ADGRV1: variants seen among roughly 807,000 people sequenced by gnomAD.
ADGRV1 encodes the protein G-protein coupled receptor 98.
In ADGRV1, 359 loss-of-function variants were observed where a neutral mutation model predicts 596.2. The observed-to-expected ratio is 0.60, with a 90% CI of 0.55 to 0.66. The LOEUF is 0.66. ADGRV1 is among the 30% of genes least tolerant of loss of function. ADGRV1 has a pLI of 0.00. For synonymous variants in ADGRV1, 2,681 were observed against 2,679.2 expected, an observed-to-expected ratio of 1.00 and a Z score of -0.02; for missense variants, 7,274 against 7,575.6, an observed-to-expected ratio of 0.96 and a Z score of 1.48.
At chr5:90,970,214 C>G (rs1778837902) in intron 84 of ADGRV1, among the ~76,000 whole-genome samples, 1 of 152,168 alleles carries the variant, frequency 6.6e-6, no homozygotes, top group African/African-American at 2.4e-5. Flanking sequence ...AGTAGGTAAA[C>G]AAAGCAGCAG....
chr5:90,805,187 T>C, intron 71 of ADGRV1, 97 bp from the exon 72 acceptor site: 1 of 905,516 alleles, frequency 1.1e-6, no homozygotes, highest in East Asian at 2.6e-5. Context: ...AGGATATATA[T>C]TGTATAAACC....
At chr5:90,959,349 A>T (rs1777769037) in intron 83 of ADGRV1, among the ~76,000 whole-genome samples, 1 of 152,108 alleles carries the variant, frequency 6.6e-6, no homozygotes, top group African/African-American at 2.4e-5. Flanking sequence ...GCTAGAGAAG[A>T]CCTAAATAAA....
intron 85 of ADGRV1, among the ~76,000 whole-genome samples, chr5:91,061,660 C>T (rs1231014857): frequency 1.3e-5 from 2 of 152,140 alleles, no homozygotes; most frequent in African/African-American, 4.8e-5. Flanking sequence ...TTTCCTCAAT[C>T]TTTTCAAGCA....
intron 50 of ADGRV1, among the ~76,000 whole-genome samples, chr5:90,737,254 G>C (rs1753361289): frequency 6.6e-6 from 1 of 151,808 alleles, no homozygotes; most frequent in South Asian, 2.1e-4. Flanking sequence ...GATTTCTTCT[G>C]TTATTGATTT....
chr5:90,688,072 G>A lies in ADGRV1; in HGVS notation c.6491-1789G>A, dbSNP rs536529533. Among the ~76,000 whole-genome samples the A allele has an allele frequency of 1.2e-3, 188 of 152,132 alleles. 1 individual carries two copies. The highest frequency in any genetic ancestry group is 3.9e-3 in the African/African-American group (160 of 41,472). On this transcript the variant is annotated intron_variant, in intron 29 of 89. Coordinates refer to ENST00000405460, the MANE Select transcript of ADGRV1 (RefSeq NM_032119.4). ...TTAAAGTTCATATGGAACCAAAAAA[G>A]AGCCCGCATCGCCGAGTCAATCCTA...
chr5:90,886,887 C>T (rs1043732546), intron 83 of ADGRV1, among the ~76,000 whole-genome samples: 3 of 152,158 alleles, frequency 2.0e-5, no homozygotes, highest in Non-Finnish European at 2.9e-5. Context: ...TAAATGATGC[C>T]ATGAGTTCAT....
chr5:90,670,832 T>C (rs533938496), intron 21 of ADGRV1, among the ~76,000 whole-genome samples: 1 of 152,232 alleles, frequency 6.6e-6, no homozygotes, highest in South Asian at 2.1e-4. Context: ...TTCATTCTTA[T>C]TGGAATTAAT....
intron 50 of ADGRV1, among the ~76,000 whole-genome samples, chr5:90,744,611 A>C (rs972696702): frequency 6.6e-5 from 10 of 152,272 alleles, no homozygotes; most frequent in African/African-American, 2.2e-4. Flanking sequence ...TTGTTAATTA[A>C]GAGTTTTTTG....
intron 83 of ADGRV1, among the ~76,000 whole-genome samples, chr5:90,932,371 TA>T (rs1166748859): frequency 6.6e-6 from 1 of 152,210 alleles, no homozygotes; most frequent in Non-Finnish European, 1.5e-5. Context: ...TGTGGGTATT[TA>T]CTCATCTTTT....
At chr5:90,937,819 C>T (rs1212395740) in intron 83 of ADGRV1, among the ~76,000 whole-genome samples, 1 of 152,134 alleles carries the variant, frequency 6.6e-6, no homozygotes, top group Non-Finnish European at 1.5e-5. Flanking sequence ...TCTTATTTCA[C>T]TTCTGACTGT....
intron 1 of ADGRV1, among the ~76,000 whole-genome samples, chr5:90,598,310 A>T (rs1468195044): frequency 1.3e-5 from 2 of 152,248 alleles, no homozygotes; most frequent in African/African-American, 2.4e-5. Flanking sequence ...TAGTGCCCAC[A>T]TGCCACACAT....
intron 86 of ADGRV1, among the ~76,000 whole-genome samples, chr5:91,095,636 C>T (rs900150932): frequency 6.6e-6 from 1 of 152,106 alleles, no homozygotes. Context: ...ATCACGGAAA[C>T]ATCCTTGTCT....
intron 1 of ADGRV1, among the ~76,000 whole-genome samples, chr5:90,596,371 C>T (rs1405717696): frequency 6.6e-6 from 1 of 151,734 alleles, no homozygotes; most frequent in Middle Eastern, 3.2e-3. Flanking sequence ...AGACGCTCCT[C>T]ACTTCCCAGA....
intron 33 of ADGRV1, among the ~76,000 whole-genome samples, chr5:90,695,742 T>C (rs1211363864): frequency 6.6e-6 from 1 of 152,088 alleles, no homozygotes; most frequent in Non-Finnish European, 1.5e-5. Flanking sequence ...AAAATATTTT[T>C]ATTATGGTTA....
intron 86 of ADGRV1, among the ~76,000 whole-genome samples, chr5:91,095,696 C>T (rs1790793859): frequency 6.6e-6 from 1 of 152,094 alleles, no homozygotes; most frequent in Non-Finnish European, 1.5e-5. Flanking sequence ...AGAAATAAGG[C>T]TCTTTGATAC....
chr5:90,591,513 T>C (rs1759507782), intron 1 of ADGRV1, among the ~76,000 whole-genome samples: 6 of 152,214 alleles, frequency 3.9e-5, no homozygotes, highest in Admixed American at 3.9e-4. Flanking sequence ...AATTGTTCAC[T>C]TTAAATTGTA....
intron 83 of ADGRV1, among the ~76,000 whole-genome samples, chr5:90,891,722 A>G (rs1770841274): frequency 6.6e-6 from 1 of 151,932 alleles, no homozygotes; most frequent in East Asian, 1.9e-4. Flanking sequence ...TTTTAGAAGA[A>G]TTTCTGTTTT....
intron 16 of ADGRV1, among the ~76,000 whole-genome samples, chr5:90,647,173 G>A (rs1767913900): frequency 6.6e-6 from 1 of 152,084 alleles, no homozygotes; most frequent in Admixed American, 6.6e-5. Context: ...TAAGATCTCT[G>A]GGCCTGTTCT....
At chr5:90,661,345 TA>T (rs1770264555) in intron 21 of ADGRV1, among the ~76,000 whole-genome samples, 1 of 152,186 alleles carries the variant, frequency 6.6e-6, no homozygotes, top group South Asian at 2.1e-4. Context: ...AAGAATCAAT[TA>T]AAGACACTTT....
Sources: gnomAD v4.1 joint callset for allele counts (sites outside exome capture counted in the v4.1 genomes callset) on GRCh38, gnomAD v4.1.1 for gene constraint, MANE v1.5 for transcripts, NCBI Gene and HGNC (gene_info 2026-07-23, HGNC 2026-07-21) for gene names.